GUCY1A2: variants seen among roughly 807,000 people sequenced by gnomAD.
GUCY1A2 encodes the protein guanylate cyclase soluble subunit alpha-2.
A neutral mutation model predicts 63.5 loss-of-function variants in GUCY1A2; 27 were observed. The observed-to-expected ratio is 0.43, with a 90% CI of 0.31 to 0.59. GUCY1A2 has a LOEUF of 0.59. Among genes scored for constraint, GUCY1A2 ranks in the 20% least tolerant of loss-of-function variants. The pLI, the probability that GUCY1A2 is intolerant of heterozygous loss-of-function variation, is 0.11. For missense variants in GUCY1A2, 768 were observed against 913.3 expected (o/e 0.84, Z 2.05); for synonymous variants, 364 against 343.5 (o/e 1.06, Z -0.66).
At chr11:107,016,988 A>G (rs1031793851) in intron 1 of GUCY1A2, among the ~76,000 whole-genome samples, 1 of 152,210 alleles carries the variant, frequency 6.6e-6, no homozygotes, top group African/African-American at 2.4e-5. Context: ...TTTGGTACCT[A>G]TGTAACAAAT....
chr11:106,683,128 G>C lies in GUCY1A2; in HGVS notation c.*4421C>G, dbSNP rs879640374. The C allele has an allele frequency of 4.6e-6, 1 of 215,218 alleles. No individual in the cohort carries two copies. Among genetic ancestry groups the C allele is most frequent in the African/African-American group, 2.3e-5 (1 of 44,276 alleles). 13.3% of individuals were successfully genotyped at this position (215,218 alleles called of 1,614,324 possible). ...TCATATCAAGAGCTGCCCATAAATC[G>C]TTTAGAAATATGTTAAACTTCAATA... On this transcript the variant is annotated 3_prime_UTR_variant, in exon 8 of 8. Transcript: ENST00000526355.
At chr11:106,983,950 ACT>A (rs1260860292) in intron 2 of GUCY1A2, among the ~76,000 whole-genome samples, 1 of 152,184 alleles carries the variant, frequency 6.6e-6, no homozygotes, top group Non-Finnish European at 1.5e-5. Context: ...AGCTGTAAAC[ACT>A]TTTTAGTTCG....
At chr11:106,846,178 T>C (rs1859268413) in intron 4 of GUCY1A2, among the ~76,000 whole-genome samples, 1 of 150,766 alleles carries the variant, frequency 6.6e-6, no homozygotes, top group Non-Finnish European at 1.5e-5. Context: ...ATAAATAAAA[T>C]TGTTGAGAAA....
Position 106,950,200 on chromosome 11 carries a change from G to A in GUCY1A2, c.488-10022C>T, listed in dbSNP as rs531049688. ...TTCAGGGAAGCACATGTCTAATCAGGCAGCCTTCTCAGGCCACTGTGCTAT... is the reference window on the plus strand; with the variant it reads ...TTCAGGGAAGCACATGTCTAATCAGACAGCCTTCTCAGGCCACTGTGCTAT... On this transcript the variant is annotated intron_variant, in intron 3 of 7. Transcript: ENST00000526355. 2.6e-5 allele frequency among the ~76,000 whole-genome samples: 4 copies of A among 152,314 alleles called. No individual in the cohort carries two copies. The East Asian group carries it at 7.7e-4, about 29-fold the overall frequency.
At chr11:106,750,006 A>G (rs564184069) in intron 6 of GUCY1A2, among the ~76,000 whole-genome samples, 2 of 152,246 alleles carry the variant, frequency 1.3e-5, no homozygotes, top group Admixed American at 1.3e-4. Context: ...GTGAAGTCCC[A>G]TGATAGGCTA....
chr11:106,700,744 G>A (rs903352438), intron 7 of GUCY1A2, among the ~76,000 whole-genome samples: 10 of 151,618 alleles, frequency 6.6e-5, no homozygotes, highest in Admixed American at 3.3e-4. Context: ...ATGCCAGCCC[G>A]AATACTTTTT....
intron 7 of GUCY1A2, among the ~76,000 whole-genome samples, chr11:106,688,575 TAA>T (rs1358172913): frequency 1.3e-5 from 2 of 152,030 alleles, no homozygotes; most frequent in Non-Finnish European, 2.9e-5. Flanking sequence ...GGAACACATC[TAA>T]AAAGCTCACA....
At chr11:106,935,613 G>A (rs1860665222) in intron 4 of GUCY1A2, among the ~76,000 whole-genome samples, 1 of 152,092 alleles carries the variant, frequency 6.6e-6, no homozygotes, top group Non-Finnish European at 1.5e-5. Flanking sequence ...GCCAAGGTGG[G>A]TGGATCACCT....
chr11:106,952,488 C>T (rs935478707), intron 3 of GUCY1A2, among the ~76,000 whole-genome samples: 2 of 151,994 alleles, frequency 1.3e-5, no homozygotes, highest in Admixed American at 6.6e-5. Flanking sequence ...GTATTTTATT[C>T]TCTTTGTAGC....
intron 5 of GUCY1A2, among the ~76,000 whole-genome samples, chr11:106,791,332 G>A (rs1000678794): frequency 6.6e-6 from 1 of 152,208 alleles, no homozygotes; most frequent in African/African-American, 2.4e-5. Flanking sequence ...TCCATGCTTT[G>A]CAGCTACTAC....
intron 1 of GUCY1A2, among the ~76,000 whole-genome samples, chr11:106,995,691 C>T (rs1861525609): frequency 6.6e-6 from 1 of 152,196 alleles, no homozygotes; most frequent in Admixed American, 6.5e-5. Flanking sequence ...ATGTATAAAT[C>T]TCTTGATTAT....
chr11:106,979,004 C>T (rs1861299055), intron 2 of GUCY1A2, among the ~76,000 whole-genome samples: 1 of 152,192 alleles, frequency 6.6e-6, no homozygotes, highest in Non-Finnish European at 1.5e-5. Flanking sequence ...CAGCTTTGTA[C>T]AGCTAATGTA....
rs1860728095 is a variant in GUCY1A2, at chr11:106,939,805, G to A, written c.861C>T (p.Ser287=). The A allele has an allele frequency of 2.2e-5, 35 of 1,613,482 alleles. No individual in the cohort carries two copies. Among genetic ancestry groups the A allele is most frequent in the Non-Finnish European group, 3.0e-5 (35 of 1,179,396 alleles). Residue 287 remains serine (S), a synonymous_variant, in exon 4 of 8, where the codon AGC becomes AGT. Transcript: ENST00000526355. ...CSDVSNPGNC[S]CLTFLIKECE... Reference sequence around the variant, plus strand: ...ATTCTTTGATAAGGAAAGTAAGACAGCTACAATTGCCTGGGTTTGAAACAT... The same window carrying A: ...ATTCTTTGATAAGGAAAGTAAGACAACTACAATTGCCTGGGTTTGAAACAT...
intron 5 of GUCY1A2, among the ~76,000 whole-genome samples, chr11:106,786,592 T>C (rs972245727): frequency 6.6e-6 from 1 of 152,216 alleles, no homozygotes; most frequent in Non-Finnish European, 1.5e-5. Flanking sequence ...TCATAAAGGA[T>C]ATTGAATACT....
Position 106,715,249 on chromosome 11 carries a change from T to G in GUCY1A2, c.1837-6583A>C, listed in dbSNP as rs538362590. On this transcript the variant is annotated intron_variant, in intron 6 of 7. Coordinates refer to ENST00000526355, the MANE Select transcript of GUCY1A2 (RefSeq NM_000855.3). ...TTTTAAAAGTAGAATGCTTGCACAG[T>G]TCCATCTCAGCAAGCCAAAACTCTC... Among the ~76,000 whole-genome samples the G allele has an allele frequency of 7.2e-5, 11 of 152,286 alleles. No individual in the cohort carries two copies. In the East Asian group the frequency reaches 2.1e-3, roughly 29 times the overall value.
intron 4 of GUCY1A2, among the ~76,000 whole-genome samples, chr11:106,902,494 T>C (rs984761710): frequency 6.6e-6 from 1 of 152,228 alleles, no homozygotes; most frequent in Non-Finnish European, 1.5e-5. Flanking sequence ...AGATGGCATC[T>C]TCTTCCAATA....
At chr11:106,997,118 ATAT>A (rs1489205789) in intron 1 of GUCY1A2, among the ~76,000 whole-genome samples, 2 of 151,208 alleles carry the variant, frequency 1.3e-5, no homozygotes, top group Non-Finnish European at 2.9e-5. Flanking sequence ...ACTCTATTAC[ATAT>A]TATATTATTT....
chr11:106,771,635 C>T (rs1009005363), intron 6 of GUCY1A2, among the ~76,000 whole-genome samples: 2 of 151,722 alleles, frequency 1.3e-5, no homozygotes, highest in African/African-American at 4.8e-5. Flanking sequence ...GTTTGTGGTC[C>T]CAGCTACTCC....
chr11:106,964,994 A>G (rs1409416160), intron 3 of GUCY1A2, among the ~76,000 whole-genome samples: 2 of 151,950 alleles, frequency 1.3e-5, no homozygotes, highest in African/African-American at 4.8e-5. Context: ...AAAGAAAAAT[A>G]TATATTTTTT....
Sources: gnomAD v4.1 joint callset for allele counts (sites outside exome capture counted in the v4.1 genomes callset) on GRCh38, gnomAD v4.1.1 for gene constraint, MANE v1.5 for transcripts, NCBI Gene and HGNC (gene_info 2026-07-23, HGNC 2026-07-21) for gene names.